The following LRP1B variants were observed in gnomAD, a reference collection of about 807,000 sequenced individuals.
The protein encoded by LRP1B is LDL receptor related protein 1B.
In LRP1B, 217 loss-of-function variants were observed where a neutral mutation model predicts 556.6. The observed-to-expected ratio is 0.39, with a 90% CI of 0.35 to 0.44. The LOEUF is 0.44. LRP1B is among the 20% of genes least tolerant of loss of function. The probability of loss-of-function intolerance (pLI) is 1.00; values close to 1 mark genes in which losing one functional copy is unlikely to be tolerated. For synonymous variants in LRP1B, 2,047 were observed against 1,865.8 expected, an observed-to-expected ratio of 1.10 and a Z score of -2.50; for missense variants, 5,053 against 5,620.8, an observed-to-expected ratio of 0.90 and a Z score of 3.23.
At chr2:142,091,308 T>A (rs1396112764) in intron 1 of LRP1B, among the ~76,000 whole-genome samples, 1 of 152,144 alleles carries the variant, frequency 6.6e-6, no homozygotes, top group Non-Finnish European at 1.5e-5. Context: ...TACTCCATCA[T>A]CATTTTGTGA....
chr2:140,610,214 C>T (rs929465892), intron 41 of LRP1B, among the ~76,000 whole-genome samples: 4 of 152,102 alleles, frequency 2.6e-5, no homozygotes, highest in Admixed American at 2.0e-4. Flanking sequence ...TTGCCTGTCT[C>T]ACCCTACTGG....
At chr2:140,966,615 C>T (rs1033706897) in intron 18 of LRP1B, among the ~76,000 whole-genome samples, 1 of 152,154 alleles carries the variant, frequency 6.6e-6, no homozygotes, top group African/African-American at 2.4e-5. Context: ...AAAGTCCTTG[C>T]CCATGCCTAT....
At chr2:141,234,890 CAA>C (rs1386486618) in intron 5 of LRP1B, among the ~76,000 whole-genome samples, 1 of 151,916 alleles carries the variant, frequency 6.6e-6, no homozygotes, top group Non-Finnish European at 1.5e-5. Context: ...AAATGTGAAT[CAA>C]GTTAATATCA....
intron 1 of LRP1B, among the ~76,000 whole-genome samples, chr2:141,987,948 G>A (rs990397856): frequency 2.0e-5 from 3 of 151,850 alleles, no homozygotes; most frequent in African/African-American, 7.2e-5. Flanking sequence ...AGTGGCGTAT[G>A]CAAAGGATTA....
At chr2:141,076,877 A>G (rs1436744423) in intron 7 of LRP1B, among the ~76,000 whole-genome samples, 1 of 152,196 alleles carries the variant, frequency 6.6e-6, no homozygotes, top group Non-Finnish European at 1.5e-5. Flanking sequence ...GTAGCTCTGC[A>G]TATTGTTAAT....
intron 1 of LRP1B, among the ~76,000 whole-genome samples, chr2:142,106,400 G>A (rs1333422869): frequency 6.6e-6 from 1 of 152,062 alleles, no homozygotes; most frequent in Non-Finnish European, 1.5e-5. Flanking sequence ...ACAACCTCAT[G>A]TCATAAGCTG....
intron 22 of LRP1B, among the ~76,000 whole-genome samples, chr2:140,906,516 C>G (rs1694258957): frequency 6.6e-6 from 1 of 152,060 alleles, no homozygotes; most frequent in South Asian, 2.1e-4. Flanking sequence ...TTTTCAATAA[C>G]TGCAGGGCAT....
intron 3 of LRP1B, among the ~76,000 whole-genome samples, chr2:141,256,776 G>T (rs1317508229): frequency 6.6e-6 from 1 of 151,970 alleles, no homozygotes; most frequent in Non-Finnish European, 1.5e-5. Context: ...CAACATAATA[G>T]CCAGGGAGAA....
At chr2:141,150,279 C>G (rs1450525008) in intron 7 of LRP1B, among the ~76,000 whole-genome samples, 2 of 152,182 alleles carry the variant, frequency 1.3e-5, no homozygotes, top group Non-Finnish European at 2.9e-5. Context: ...CTAGTAAGTT[C>G]AAAGATACAT....
At chr2:141,525,076 T>C (rs765413966) in intron 2 of LRP1B, among the ~76,000 whole-genome samples, 1 of 152,078 alleles carries the variant, frequency 6.6e-6, no homozygotes, top group Non-Finnish European at 1.5e-5. Flanking sequence ...CTGAAATACA[T>C]TGCATGTTTA....
intron 2 of LRP1B, among the ~76,000 whole-genome samples, chr2:141,664,073 G>C (rs960501308): frequency 5.3e-5 from 8 of 152,112 alleles, no homozygotes; most frequent in East Asian, 3.9e-4. Context: ...GGGATGCAAG[G>C]CTGGTTCAAC....
intron 3 of LRP1B, among the ~76,000 whole-genome samples, chr2:141,420,254 T>C (rs935782527): frequency 2.0e-5 from 3 of 152,326 alleles, no homozygotes; most frequent in Non-Finnish European, 2.9e-5. Flanking sequence ...TTTATAATTA[T>C]ATAACGTCCT....
Position 140,479,829 on chromosome 2 carries a change from T to C in LRP1B, c.9426-4492A>G, listed in dbSNP as rs551921362. 7.2e-4 allele frequency among the ~76,000 whole-genome samples: 110 copies of C among 152,330 alleles called. 1 individual carries two copies. The highest frequency in any genetic ancestry group is 2.4e-3 in the African/African-American group (101 of 41,590). Reference sequence around the variant, plus strand: ...GTTTAATGAAATATTTCTGTGTTCCTCTACAGAAATCAGAAACTGAATTTT... The same window carrying C: ...GTTTAATGAAATATTTCTGTGTTCCCCTACAGAAATCAGAAACTGAATTTT... On this transcript the variant is annotated intron_variant, in intron 59 of 90. Coordinates refer to ENST00000389484, the MANE Select transcript of LRP1B (RefSeq NM_018557.3).
intron 74 of LRP1B, among the ~76,000 whole-genome samples, chr2:140,357,131 G>A (rs1372698867): frequency 6.6e-6 from 1 of 151,514 alleles, no homozygotes; most frequent in Non-Finnish European, 1.5e-5. Flanking sequence ...CATTTTAGAA[G>A]GCCTTCTCTT....
intron 1 of LRP1B, among the ~76,000 whole-genome samples, chr2:141,927,059 A>G (rs1410176879): frequency 1.3e-5 from 2 of 152,120 alleles, no homozygotes; most frequent in African/African-American, 4.8e-5. Flanking sequence ...ATTAGTTTAT[A>G]AACCTCTTAA....
At chr2:140,789,576 T>C (rs1690033436) in intron 32 of LRP1B, among the ~76,000 whole-genome samples, 1 of 150,140 alleles carries the variant, frequency 6.7e-6, no homozygotes. Flanking sequence ...TCACTCTAGC[T>C]ATACCAGCTG....
chr2:141,894,793 T>TA (rs1699394774), intron 1 of LRP1B, among the ~76,000 whole-genome samples: 1 of 152,074 alleles, frequency 6.6e-6, no homozygotes, highest in South Asian at 2.1e-4. Context: ...CTCATGCCTG[T>TA]AATCCCAGCA....
At chr2:140,351,069 A>G (rs1385401891) in intron 76 of LRP1B, 31 bp from the exon 77 acceptor site, 1 of 1,406,638 alleles carries the variant, frequency 7.1e-7, no homozygotes, top group Admixed American at 2.3e-5. Flanking sequence ...ATACAAAAAT[A>G]AAGTAAATTT....
At chr2:141,437,637 A>G (rs1680811051) in intron 3 of LRP1B, among the ~76,000 whole-genome samples, 1 of 151,744 alleles carries the variant, frequency 6.6e-6, no homozygotes, top group Non-Finnish European at 1.5e-5. Context: ...ATTCTGGGGG[A>G]AAAAAATCTC....
Sources: gnomAD v4.1 joint callset for allele counts (sites outside exome capture counted in the v4.1 genomes callset) on GRCh38, gnomAD v4.1.1 for gene constraint, MANE v1.5 for transcripts, NCBI Gene and HGNC (gene_info 2026-07-23, HGNC 2026-07-21) for gene names.